The following ZCWPW2 variants were observed in gnomAD, a reference collection of about 807,000 sequenced individuals.
The protein encoded by ZCWPW2 is zinc finger CW-type PWWP domain protein 2.
A neutral mutation model predicts 46.6 loss-of-function variants in ZCWPW2; 45 were observed. That is an observed-to-expected ratio of 0.96 (90% confidence interval 0.76 to 1.24). The LOEUF is 1.24. ZCWPW2 is among the 50% of genes most tolerant of loss of function. ZCWPW2 has a pLI of 0.00. For synonymous variants in ZCWPW2, 152 were observed against 137.1 expected, an observed-to-expected ratio of 1.11 and a Z score of -0.76; for missense variants, 429 against 403.9, an observed-to-expected ratio of 1.06 and a Z score of -0.53.
Position 28,365,444 on chromosome 3 carries a change from A to T in ZCWPW2, c.-134+16241A>T, listed in dbSNP as rs1486295416. Among the ~76,000 whole-genome samples the T allele has an allele frequency of 4.3e-5, 6 of 141,040 alleles. 1 individual carries two copies. Among genetic ancestry groups the T allele is most frequent in the Non-Finnish European group, 9.5e-5 (6 of 63,026 alleles). 92.5% of individuals were successfully genotyped at this position (141,040 alleles called of 152,430 possible). On this transcript the variant is annotated intron_variant, in intron 1 of 9. Coordinates refer to ENST00000383768, the MANE Select transcript of ZCWPW2 (RefSeq NM_001040432.4). Reference sequence around the variant, plus strand: ...CTTGTTTTTGTCAGGTTTGTCAAAGATCATATGGTTGTAGATATGCAGCAT... The same window carrying T: ...CTTGTTTTTGTCAGGTTTGTCAAAGTTCATATGGTTGTAGATATGCAGCAT...
intron 4 of ZCWPW2, among the ~76,000 whole-genome samples, chr3:28,445,720 C>T (rs1314988859): frequency 6.6e-6 from 1 of 151,998 alleles, no homozygotes; most frequent in African/African-American, 2.4e-5. Context: ...GGGTTAAACT[C>T]CCCAGTCAAA....
At chr3:28,463,160 CTAAG>C (rs1416054368) in intron 4 of ZCWPW2, among the ~76,000 whole-genome samples, 5 of 152,114 alleles carry the variant, frequency 3.3e-5, no homozygotes, top group African/African-American at 4.8e-5. Flanking sequence ...AATTTTTAGT[CTAAG>C]TGTCTTTCTT....
At chr3:28,383,123 A>ATG (rs1398039027) in intron 1 of ZCWPW2, among the ~76,000 whole-genome samples, 1 of 152,146 alleles carries the variant, frequency 6.6e-6, no homozygotes, top group Non-Finnish European at 1.5e-5. Flanking sequence ...TTGACTGTCT[A>ATG]TGTTGCATCC....
chr3:28,498,639 G>C (rs1028885361), intron 6 of ZCWPW2, among the ~76,000 whole-genome samples: 4 of 151,174 alleles, frequency 2.6e-5, no homozygotes, highest in African/African-American at 9.7e-5. Flanking sequence ...AGACAGTTAG[G>C]ATTAGCTATG....
intron 1 of ZCWPW2, among the ~76,000 whole-genome samples, chr3:28,353,930 C>T (rs764840506): frequency 5.3e-5 from 8 of 152,096 alleles, no homozygotes; most frequent in East Asian, 1.9e-4. Flanking sequence ...GAGAAATGCT[C>T]GTCTGAGGCT....
chr3:28,362,731 A>C (rs138578770), intron 1 of ZCWPW2, among the ~76,000 whole-genome samples: 1 of 152,276 alleles, frequency 6.6e-6, no homozygotes, highest in African/African-American at 2.4e-5. Context: ...TACCCGAAGA[A>C]ATATAAATTG....
At chr3:28,414,369 C>G (rs1052260527) in intron 3 of ZCWPW2, among the ~76,000 whole-genome samples, 37 of 151,018 alleles carry the variant, frequency 2.5e-4, no homozygotes, top group African/African-American at 9.0e-4. Context: ...ATTTTAGGTT[C>G]CGGGATACAT....
At chr3:28,364,033 A>C (rs1304475682) in intron 1 of ZCWPW2, among the ~76,000 whole-genome samples, 1 of 152,154 alleles carries the variant, frequency 6.6e-6, no homozygotes, top group Non-Finnish European at 1.5e-5. Context: ...ATACTGTCCT[A>C]ATCCATATTC....
intron 1 of ZCWPW2, among the ~76,000 whole-genome samples, chr3:28,360,498 G>A (rs2125692965): frequency 6.6e-6 from 1 of 151,176 alleles, no homozygotes; most frequent in South Asian, 2.1e-4. Context: ...ACTCCAGCCT[G>A]GGTGACAGAG....
At chr3:28,430,035 C>T (rs983780236) in intron 3 of ZCWPW2, among the ~76,000 whole-genome samples, 2 of 152,182 alleles carry the variant, frequency 1.3e-5, no homozygotes, top group African/African-American at 4.8e-5. Flanking sequence ...ACACAGAGTC[C>T]CCACTGAGGC....
At chr3:28,362,613 A>C (rs567973960) in intron 1 of ZCWPW2, among the ~76,000 whole-genome samples, 1 of 152,216 alleles carries the variant, frequency 6.6e-6, no homozygotes, top group Non-Finnish European at 1.5e-5. Flanking sequence ...GAACACTTAT[A>C]TACTGCTGGT....
chr3:28,514,268 C>T (rs1289953660), intron 7 of ZCWPW2, 146 bp downstream of exon 7: 2 of 495,580 alleles, frequency 4.0e-6, no homozygotes, highest in South Asian at 3.2e-5. Flanking sequence ...TGGATCTGCT[C>T]ATCTTTCAGG....
rs112216223 is a variant in ZCWPW2 at position 28,362,798 on chromosome 3, C to T, written c.-134+13595C>T. Among the ~76,000 whole-genome samples, 1,521 of 152,116 alleles carry T rather than the reference C, an allele frequency of 1.0e-2. 25 individuals carry two copies. Among genetic ancestry groups the T allele is most frequent in the African/African-American group, 0.035 (1,449 of 41,492 alleles). Reference sequence around the variant, plus strand: ...TGAACACTATTCAGAGTAGCAAAGACAATGAATCAACCTAAATGCCCATAA... The same window carrying T: ...TGAACACTATTCAGAGTAGCAAAGATAATGAATCAACCTAAATGCCCATAA... On this transcript the variant is annotated intron_variant, in intron 1 of 9. Transcript: ENST00000383768.
intron 1 of ZCWPW2, among the ~76,000 whole-genome samples, chr3:28,367,681 T>A (rs538090385): frequency 3.2e-4 from 49 of 152,268 alleles, no homozygotes; most frequent in Admixed American, 1.0e-3. Flanking sequence ...CAGAGCTGAG[T>A]TCAATTCCTG....
At chr3:28,433,083 G>A (rs1480422192) in intron 3 of ZCWPW2, among the ~76,000 whole-genome samples, 1 of 145,560 alleles carries the variant, frequency 6.9e-6, no homozygotes, top group Non-Finnish European at 1.5e-5. Flanking sequence ...AATAAGCAAA[G>A]CATATTCTTA....
intron 4 of ZCWPW2, among the ~76,000 whole-genome samples, chr3:28,441,122 A>G (rs1192446077): frequency 1.3e-5 from 2 of 152,180 alleles, no homozygotes; most frequent in Non-Finnish European, 2.9e-5. Context: ...GACTGGGGAA[A>G]GAGGCTGAGT....
chr3:28,436,466 T>G (rs1424835909), intron 4 of ZCWPW2, among the ~76,000 whole-genome samples: 1 of 151,916 alleles, frequency 6.6e-6, no homozygotes, highest in Non-Finnish European at 1.5e-5. Context: ...TGTTAATAGA[T>G]GTGTACATAT....
At chr3:28,353,687 T>C (rs1020360521) in intron 1 of ZCWPW2, among the ~76,000 whole-genome samples, 1 of 152,206 alleles carries the variant, frequency 6.6e-6, no homozygotes, top group African/African-American at 2.4e-5. Context: ...TTTTTCTTTT[T>C]CCAAAATAAA....
chr3:28,380,289 A>T (rs946569450), intron 1 of ZCWPW2, among the ~76,000 whole-genome samples: 3 of 151,016 alleles, frequency 2.0e-5, no homozygotes. Context: ...CGGCCAGTTT[A>T]TTTTTTTTTA....
Sources: allele counts gnomAD v4.1 joint callset (sites outside exome capture counted in the v4.1 genomes callset), GRCh38; gene constraint gnomAD v4.1.1; transcripts MANE v1.5; gene names NCBI Gene and HGNC (gene_info 2026-07-23, HGNC 2026-07-21).